The following ELP4 variants were observed in gnomAD, a reference collection of about 807,000 sequenced individuals.
ELP4 encodes the protein elongator acetyltransferase complex subunit 4, also known as elongator complex protein 4.
Under a neutral mutation model 48.9 loss-of-function variants are expected in ELP4, and 51 were observed. The observed-to-expected ratio is 1.04, with a 90% CI of 0.83 to 1.32. The LOEUF is 1.32. Ranked by LOEUF, ELP4 falls within the 40% of genes most tolerant of loss-of-function variation. ELP4 has a pLI of 0.00. For synonymous variants in ELP4, 210 were observed against 189.2 expected, an observed-to-expected ratio of 1.11 and a Z score of -0.90; for missense variants, 519 against 514.6, an observed-to-expected ratio of 1.01 and a Z score of -0.08.
rs763393870 is a variant in ELP4 at position 31,790,049 on chromosome 11, A to T, written c.*6525A>T. ...AAGTGGATGAAAGAAATAGCCATGT[A>T]GATATTCCCTTTGAGAAACAGACAT... On this transcript the variant is annotated 3_prime_UTR_variant, in exon 10 of 10. Coordinates refer to ENST00000640961, the MANE Select transcript of ELP4 (RefSeq NM_019040.5). The T allele has an allele frequency of 1.6e-6, 2 of 1,244,920 alleles. No individual in the cohort carries two copies. The highest frequency in any genetic ancestry group is 2.0e-4 in the Middle Eastern group (1 of 5,118). The allele number at this position is 1,244,920 out of a possible 1,614,324, so 77.1% of individuals were successfully genotyped here.
At position 31,696,511 on chromosome 11, in the gene ELP4, G is replaced by T. The variant is rs916288569; in HGVS notation, c.1143+46290G>T. 1.1e-4 allele frequency among the ~76,000 whole-genome samples: 17 copies of T among 152,124 alleles called. No individual in the cohort carries two copies. The East Asian group carries it at 1.5e-3, about 14-fold the overall frequency. ...GTTTCTTAATCCTGAGTTCTAGTTT[G>T]ATTGCACTGTGGTCTGAGAGACAGT... is the stretch of plus-strand genomic sequence containing the variant. On this transcript the variant is annotated intron_variant, in intron 9 of 9. Coordinates refer to ENST00000640961, the MANE Select transcript of ELP4 (RefSeq NM_019040.5).
intron 2 of ELP4, among the ~76,000 whole-genome samples, chr11:31,531,847 C>A (rs2133894121): frequency 6.6e-6 from 1 of 152,148 alleles, no homozygotes; most frequent in East Asian, 1.9e-4. Flanking sequence ...GTTAGAGATA[C>A]AGGGACCAAT....
chr11:31,528,971 A>G (rs1956345594), intron 2 of ELP4, among the ~76,000 whole-genome samples: 1 of 151,996 alleles, frequency 6.6e-6, no homozygotes, highest in South Asian at 2.1e-4. Flanking sequence ...ATACTTGTGG[A>G]TCCGGAATGG....
intron 2 of ELP4, among the ~76,000 whole-genome samples, chr11:31,529,040 G>GAA: frequency 6.9e-6 from 1 of 145,924 alleles, no homozygotes; most frequent in East Asian, 2.0e-4. Context: ...TTGGCTATGT[G>GAA]TATATATATA....
intron 3 of ELP4, among the ~76,000 whole-genome samples, chr11:31,578,753 T>C (rs1957332853): frequency 6.6e-6 from 1 of 152,226 alleles, no homozygotes; most frequent in Non-Finnish European, 1.5e-5. Context: ...AAGCTGAAAC[T>C]GGATCCCTTC....
chr11:31,514,140 A>G (rs1304636778), intron 1 of ELP4, among the ~76,000 whole-genome samples: 1 of 152,236 alleles, frequency 6.6e-6, no homozygotes, highest in Non-Finnish European at 1.5e-5. Context: ...TATACATCTT[A>G]AAGACATCTA....
Position 31,765,892 on chromosome 11 carries a change from C to A in ELP4, c.1144-17501C>A, listed in dbSNP as rs11031473. Among the ~76,000 whole-genome samples, 3 of 152,112 alleles carry A rather than the reference C, an allele frequency of 2.0e-5. No homozygotes were observed. In the East Asian group the frequency reaches 5.8e-4, roughly 29 times the overall value. ...TGTTTTTGGCTACCATCATTAATATCTGAAATAATTTATTACTCATTTCCA... is the reference window on the plus strand; with the variant it reads ...TGTTTTTGGCTACCATCATTAATATATGAAATAATTTATTACTCATTTCCA... On this transcript the variant is annotated intron_variant, in intron 9 of 9. Coordinates refer to ENST00000640961, the MANE Select transcript of ELP4 (RefSeq NM_019040.5).
At chr11:31,547,000 A>G (rs1221546809) in intron 3 of ELP4, among the ~76,000 whole-genome samples, 1 of 152,040 alleles carries the variant, frequency 6.6e-6, no homozygotes, top group Non-Finnish European at 1.5e-5. Flanking sequence ...GTAGAGGGAA[A>G]TTTATAGCAC....
chr11:31,516,044 C>T (rs1361351413), intron 1 of ELP4, among the ~76,000 whole-genome samples: 2 of 151,392 alleles, frequency 1.3e-5, no homozygotes, highest in Admixed American at 6.6e-5. Context: ...AACCAGGAGG[C>T]GGAGCTTGCA....
intron 9 of ELP4, among the ~76,000 whole-genome samples, chr11:31,694,852 G>A (rs958306647): frequency 6.6e-6 from 1 of 152,084 alleles, no homozygotes; most frequent in African/African-American, 2.4e-5. Context: ...GTGGTTTGTA[G>A]TTCTCCTTGA....
At chr11:31,782,922 G>T (rs1350430776) in intron 9 of ELP4, among the ~76,000 whole-genome samples, 2 of 152,082 alleles carry the variant, frequency 1.3e-5, no homozygotes, top group Non-Finnish European at 2.9e-5. Context: ...TCAACTAATA[G>T]ACAAAGACAA....
chr11:31,726,778 A>G (rs770349325), intron 9 of ELP4, among the ~76,000 whole-genome samples: 46 of 152,312 alleles, frequency 3.0e-4, no homozygotes, highest in Non-Finnish European at 5.4e-4. Context: ...ATACAGTACC[A>G]GTGTTCCAAG....
At chr11:31,691,020 G>A (rs1946268329) in intron 9 of ELP4, among the ~76,000 whole-genome samples, 1 of 152,012 alleles carries the variant, frequency 6.6e-6, no homozygotes. Flanking sequence ...AGCAAGGCAA[G>A]TTAGTACAGA....
chr11:31,733,819 T>A (rs1027296329), intron 9 of ELP4, among the ~76,000 whole-genome samples: 3 of 152,198 alleles, frequency 2.0e-5, no homozygotes, highest in African/African-American at 7.2e-5. Flanking sequence ...CTTCTCAAAC[T>A]CTTACAAAAA....
At chr11:31,737,351 G>A (rs1480954757) in intron 9 of ELP4, among the ~76,000 whole-genome samples, 6 of 152,024 alleles carry the variant, frequency 3.9e-5, no homozygotes, top group Admixed American at 3.3e-4. Context: ...ATAGCATTAG[G>A]AGATATACCT....
At chr11:31,751,593 T>C (rs1947720785) in intron 9 of ELP4, among the ~76,000 whole-genome samples, 1 of 152,176 alleles carries the variant, frequency 6.6e-6, no homozygotes, top group Non-Finnish European at 1.5e-5. Flanking sequence ...ACAAATATTT[T>C]TTGAATGAAT....
intron 9 of ELP4, among the ~76,000 whole-genome samples, chr11:31,709,287 C>T (rs1382516099): frequency 6.6e-6 from 1 of 152,090 alleles, no homozygotes; most frequent in African/African-American, 2.4e-5. Context: ...ATTTGAAATA[C>T]TTTTAAATAG....
intron 9 of ELP4, among the ~76,000 whole-genome samples, chr11:31,749,429 C>G (rs1188982882): frequency 6.6e-6 from 1 of 152,266 alleles, no homozygotes; most frequent in South Asian, 2.1e-4. Context: ...ATATATGGCC[C>G]TATACAGTCA....
At chr11:31,586,816 A>G (rs1056996432) in intron 3 of ELP4, among the ~76,000 whole-genome samples, 1 of 151,824 alleles carries the variant, frequency 6.6e-6, no homozygotes, top group African/African-American at 2.4e-5. Flanking sequence ...CTAATTTTGT[A>G]TTTTTAGTAG....
Sources: gnomAD v4.1 joint callset for allele counts (sites outside exome capture counted in the v4.1 genomes callset) on GRCh38, gnomAD v4.1.1 for gene constraint, MANE v1.5 for transcripts, NCBI Gene and HGNC (gene_info 2026-07-23, HGNC 2026-07-21) for gene names.